The following ADAMTS9 variants were observed in gnomAD, a reference collection of about 807,000 sequenced individuals.
The protein encoded by ADAMTS9 is ADAM metallopeptidase with thrombospondin type 1 motif 9, also known as A disintegrin and metalloproteinase with thrombospondin motifs 9.
In ADAMTS9, 107 loss-of-function variants were observed where a neutral mutation model predicts 257.1. That is an observed-to-expected ratio of 0.42 (90% CI 0.36 to 0.49). ADAMTS9 has a LOEUF of 0.49. Among genes scored for constraint, ADAMTS9 ranks in the 20% least tolerant of loss-of-function variants. The pLI is 0.03. For synonymous variants in ADAMTS9, 982 were observed against 880.9 expected (o/e 1.11, Z -2.03); for missense variants, 2,353 against 2,469.1 (o/e 0.95, Z 1.00).
chr3:64,536,239 A>T (rs1174886655), intron 37 of ADAMTS9, among the ~76,000 whole-genome samples: 2 of 152,226 alleles, frequency 1.3e-5, no homozygotes, highest in Non-Finnish European at 1.5e-5. Flanking sequence ...GCATTTCAGC[A>T]AATGTCCTAG....
At chr3:64,645,771 G>A (rs1376141410) in intron 11 of ADAMTS9, among the ~76,000 whole-genome samples, 4 of 152,128 alleles carry the variant, frequency 2.6e-5, no homozygotes, top group East Asian at 1.9e-4. Flanking sequence ...AGCCTGCCTT[G>A]GGAATGCCTT....
intron 28 of ADAMTS9, 145 bp downstream of exon 28, chr3:64,594,113 C>A: frequency 1.2e-6 from 1 of 848,546 alleles, no homozygotes; most frequent in Non-Finnish European, 1.8e-6. Context: ...TATTATGTGC[C>A]AATATGGAGA....
Position 64,537,429 on chromosome 3 carries a change from A to G in ADAMTS9, c.5613+1774T>C, listed in dbSNP as rs1414603609. ...TTTTTGAAGCCATCAATTGCCCTAAAAAAAACTGTACTTCAAAAGTTTTTG... is the reference window on the plus strand; with the variant it reads ...TTTTTGAAGCCATCAATTGCCCTAAGAAAAACTGTACTTCAAAAGTTTTTG... On this transcript the variant is annotated intron_variant, in intron 37 of 39. Coordinates refer to ENST00000498707, the MANE Select transcript of ADAMTS9 (RefSeq NM_182920.2). Among the ~76,000 whole-genome samples the G allele has an allele frequency of 3.3e-5, 5 of 152,284 alleles. No individual in the cohort carries two copies. The East Asian group carries it at 9.7e-4, about 29-fold the overall frequency.
intron 8 of ADAMTS9, among the ~76,000 whole-genome samples, chr3:64,653,037 T>C (rs1384350468): frequency 6.6e-6 from 1 of 152,254 alleles, no homozygotes; most frequent in African/African-American, 2.4e-5. Context: ...AGATATCTCA[T>C]TATGGATATG....
intron 12 of ADAMTS9, among the ~76,000 whole-genome samples, chr3:64,636,074 T>G (rs1700487194): frequency 8.9e-6 from 1 of 112,028 alleles, no homozygotes; most frequent in Non-Finnish European, 1.7e-5. Context: ...GAACATAAAG[T>G]TTTTTAAATT....
At chr3:64,521,270 T>C (rs962126216) in intron 39 of ADAMTS9, among the ~76,000 whole-genome samples, 11 of 152,116 alleles carry the variant, frequency 7.2e-5, no homozygotes, top group African/African-American at 2.7e-4. Flanking sequence ...CCAATCAGAA[T>C]GGCGATTCTT....
intron 3 of ADAMTS9, among the ~76,000 whole-genome samples, chr3:64,664,649 C>T (rs1701308232): frequency 1.3e-5 from 2 of 152,124 alleles, no homozygotes; most frequent in African/African-American, 4.8e-5. Flanking sequence ...TATGGATATA[C>T]CACATAATGT....
intron 2 of ADAMTS9, chr3:64,685,148 T>A (rs1187617705): frequency 6.6e-6 from 1 of 152,176 alleles, no homozygotes; most frequent in Non-Finnish European, 1.5e-5. Context: ...CTCCGGGCGC[T>A]TTGCTGGGGG....
intron 30 of ADAMTS9, among the ~76,000 whole-genome samples, chr3:64,556,186 G>A (rs896089558): frequency 3.3e-5 from 5 of 152,078 alleles, no homozygotes; most frequent in East Asian, 1.9e-4. Flanking sequence ...TCCCCATACC[G>A]CACCAAACAG....
At chr3:64,517,416 G>GTTTTTTGTTTTT (rs2082789402) in intron 39 of ADAMTS9, among the ~76,000 whole-genome samples, 1 of 52,638 alleles carries the variant, frequency 1.9e-5, no homozygotes, top group Non-Finnish European at 3.8e-5. Context: ...ATTAAAAATG[G>GTTTTTTGTTTTT]TTTTTTTTTT....
rs1188046477 is a variant in ADAMTS9, at chr3:64,539,152, G to T, written c.5613+51C>A. 2.6e-6 allele frequency: 4 copies of T among 1,528,568 alleles called. No individual in the cohort carries two copies. The South Asian group carries it at 4.5e-5, about 17-fold the overall frequency. The allele number at this position is 1,528,568 out of a possible 1,614,324, so 94.7% of individuals were successfully genotyped here. On this transcript the variant is annotated intron_variant, in intron 37 of 39. Transcript: ENST00000498707. Reference sequence around the variant, plus strand: ...ACAGATGCAACTGAGGATGTTCCCGGGAAAGGTGGGAGGTGAATCCCTGGC... The same window carrying T: ...ACAGATGCAACTGAGGATGTTCCCGTGAAAGGTGGGAGGTGAATCCCTGGC...
At chr3:64,608,240 T>A (rs1450632145) in intron 22 of ADAMTS9, among the ~76,000 whole-genome samples, 1 of 87,684 alleles carries the variant, frequency 1.1e-5, no homozygotes. Flanking sequence ...AACTACAAAA[T>A]TAACAGCAAA....
At chr3:64,645,286 C>G (rs1261687495) in intron 11 of ADAMTS9, among the ~76,000 whole-genome samples, 1 of 151,998 alleles carries the variant, frequency 6.6e-6, no homozygotes, top group Non-Finnish European at 1.5e-5. Context: ...TTGATTTTGT[C>G]CAAATGAAAC....
At chr3:64,629,727 AT>A (rs534539702) in intron 16 of ADAMTS9, among the ~76,000 whole-genome samples, 17 of 152,056 alleles carry the variant, frequency 1.1e-4, no homozygotes, top group Admixed American at 5.9e-4. Flanking sequence ...GAAGACACAA[AT>A]TTTTTTTTAT....
chr3:64,641,102 A>G (rs1387607110), intron 12 of ADAMTS9, among the ~76,000 whole-genome samples: 2 of 152,222 alleles, frequency 1.3e-5, no homozygotes, highest in Non-Finnish European at 2.9e-5. Flanking sequence ...AAAAGAAAAA[A>G]AATAAAAAGT....
At chr3:64,639,316 A>ATTTTT (rs1700582396) in intron 12 of ADAMTS9, among the ~76,000 whole-genome samples, 5 of 105,186 alleles carry the variant, frequency 4.8e-5, no homozygotes, top group South Asian at 2.9e-4. Flanking sequence ...TTTTTTTAAA[A>ATTTTT]AAAAAAAAAA....
intron 18 of ADAMTS9, among the ~76,000 whole-genome samples, chr3:64,621,986 T>C: frequency 6.6e-6 from 1 of 151,912 alleles, no homozygotes; most frequent in Non-Finnish European, 1.5e-5. Context: ...GTACAAAAAT[T>C]TCTTAGGATG....
chr3:64,631,197 C>G (rs922156558), intron 16 of ADAMTS9, among the ~76,000 whole-genome samples: 1 of 152,120 alleles, frequency 6.6e-6, no homozygotes, highest in African/African-American at 2.4e-5. Context: ...CAAAATTTGA[C>G]TTGGGGCCTT....
rs188712159 is a variant in ADAMTS9 at position 64,667,994 on chromosome 3, T to C, written c.680-9203A>G. Among the ~76,000 whole-genome samples the C allele has an allele frequency of 2.0e-3, 305 of 152,316 alleles. 2 individuals are homozygous for C. Among genetic ancestry groups the C allele is most frequent in the African/African-American group, 7.1e-3 (294 of 41,578 alleles). On this transcript the variant is annotated intron_variant, in intron 3 of 39. Coordinates refer to ENST00000498707, the MANE Select transcript of ADAMTS9 (RefSeq NM_182920.2). ...AGACTATTTAGTTTTGCTATTAATATCCTGCAAAGTACCCTTTAGGAAATG... is the reference window on the plus strand; with the variant it reads ...AGACTATTTAGTTTTGCTATTAATACCCTGCAAAGTACCCTTTAGGAAATG...
Sources: gnomAD v4.1 joint callset for allele counts (sites outside exome capture counted in the v4.1 genomes callset) on GRCh38, gnomAD v4.1.1 for gene constraint, MANE v1.5 for transcripts, NCBI Gene and HGNC (gene_info 2026-07-23, HGNC 2026-07-21) for gene names.